The following FBN3 variants were observed in gnomAD, a reference collection of about 807,000 sequenced individuals.
FBN3 encodes the protein fibrillin 3.
Under a neutral mutation model 330.1 loss-of-function variants are expected in FBN3, and 234 were observed. That is an observed-to-expected ratio of 0.71 (90% confidence interval 0.64 to 0.79). FBN3 has a LOEUF of 0.79. Ranked by LOEUF, FBN3 falls within the 30% of genes least tolerant of loss-of-function variation. The pLI is 0.00. For synonymous variants in FBN3, 1,458 were observed against 1,517.3 expected (o/e 0.96, Z 0.91); for missense variants, 3,606 against 3,886.9 (o/e 0.93, Z 1.92).
At chr19:8,101,743 C>G (rs559642193) in intron 40 of FBN3, among the ~76,000 whole-genome samples, 1 of 151,698 alleles carries the variant, frequency 6.6e-6, no homozygotes, top group African/African-American at 2.4e-5. Flanking sequence ...CATTTACCGA[C>G]CCCCTCCCAC....
At chr19:8,122,893 G>A (rs193249313) in intron 24 of FBN3, among the ~76,000 whole-genome samples, 5,779 of 148,708 alleles carry the variant, frequency 0.039, 328 homozygotes, top group African/African-American at 0.13. Context: ...TCGATCTCCT[G>A]ACATCGTGAT....
At position 8,134,763 on chromosome 19, in the gene FBN3, A is replaced by G. The variant is rs111579167; in HGVS notation, c.1591+1198T>C. Among the ~76,000 whole-genome samples, 569 of 151,210 alleles carry G rather than the reference A, an allele frequency of 3.8e-3. 4 individuals carry two copies. Among genetic ancestry groups the G allele is most frequent in the African/African-American group, 0.013 (529 of 41,402 alleles). On this transcript the variant is annotated intron_variant, in intron 13 of 63. Transcript: ENST00000600128. Reference sequence around the variant, plus strand: ...AGCCTGGCCAACATGGTGAAACCCCATCTCTACTAAAAATACAAACGTTAG... The same window carrying G: ...AGCCTGGCCAACATGGTGAAACCCCGTCTCTACTAAAAATACAAACGTTAG...
At chr19:8,081,920 G>A (rs897993059) in intron 57 of FBN3, among the ~76,000 whole-genome samples, 1 of 152,014 alleles carries the variant, frequency 6.6e-6, no homozygotes, top group African/African-American at 2.4e-5. Context: ...GGTGGGGGTG[G>A]GAGAACGAAA....
At chr19:8,091,244 C>T in intron 48 of FBN3, among the ~76,000 whole-genome samples, 1 of 152,198 alleles carries the variant, frequency 6.6e-6, no homozygotes. Context: ...TAAATAAGCA[C>T]ACACCTAGCT....
At chr19:8,141,127 G>A (rs1479083373) in intron 8 of FBN3, among the ~76,000 whole-genome samples, 4 of 148,156 alleles carry the variant, frequency 2.7e-5, no homozygotes, top group African/African-American at 5.0e-5. Flanking sequence ...CCCAGGAGGC[G>A]GAGCTTGCAG....
intron 5 of FBN3, 139 bp from the exon 6 acceptor site, chr19:8,145,111 C>T (rs960064605): frequency 1.2e-5 from 9 of 741,428 alleles, no homozygotes; most frequent in South Asian, 3.5e-5. Flanking sequence ...GAGTGGCTAG[C>T]GCCTGTAATC....
At chr19:8,138,938 T>C (rs1382287946) in intron 8 of FBN3, among the ~76,000 whole-genome samples, 3 of 152,094 alleles carry the variant, frequency 2.0e-5, no homozygotes, top group Non-Finnish European at 4.4e-5. Context: ...TCACAGCTAC[T>C]TGGGAGGCTG....
intron 56 of FBN3, among the ~76,000 whole-genome samples, chr19:8,084,853 G>C (rs1028626990): frequency 6.6e-6 from 1 of 151,708 alleles, no homozygotes; most frequent in Non-Finnish European, 1.5e-5. Context: ...CTCCCAAAGT[G>C]CTGGGATTAC....
chr19:8,127,150 C>T (rs913570249), intron 18 of FBN3, among the ~76,000 whole-genome samples: 1 of 151,360 alleles, frequency 6.6e-6, no homozygotes, highest in African/African-American at 2.4e-5. Flanking sequence ...CTCCGTCTCC[C>T]GGGTTCAAGC....
Position 8,126,582 on chromosome 19 carries a change from G to C in FBN3, c.2440C>G (p.Leu814Val), listed in dbSNP as rs776946681. 6.2e-7 allele frequency: 1 copy of C among 1,610,424 alleles called. No homozygotes were observed. Among genetic ancestry groups the C allele is most frequent in the South Asian group, 1.1e-5 (1 of 91,088 alleles). The change falls in exon 20 of 64, where the codon CTG (leucine) becomes GTG (valine). Residue 814 changes from leucine (L) to valine (V), a missense_variant. Leu to Val is a conservative substitution (Grantham distance 32, BLOSUM62 1). Coordinates refer to ENST00000600128, the MANE Select transcript of FBN3 (RefSeq NM_032447.5). ...TCACAGCGGCTCTCCTGGATCTTCA[G>C]CCAGCAGGTGCCCTTGGTGCTGTCT... is the stretch of plus-strand genomic sequence containing the variant. ...CLDSTKGTCW[L>V]KIQESRCEVN...
intron 13 of FBN3, among the ~76,000 whole-genome samples, chr19:8,134,588 G>A (rs1479954236): frequency 6.6e-6 from 1 of 152,042 alleles, no homozygotes; most frequent in Non-Finnish European, 1.5e-5. Context: ...CTGTCTGCTG[G>A]GATATGAGTT....
rs747747945 is a variant in FBN3, at chr19:8,067,317, G to C, written c.8089-1057C>G. ...ATTTTTGTATTTTCAGTAGAGACAG[G>C]GTTTCACTATGTTGGCCAGGCTGGT... On this transcript the variant is annotated intron_variant, in intron 63 of 63. Coordinates refer to ENST00000600128, the MANE Select transcript of FBN3 (RefSeq NM_032447.5). Among the ~76,000 whole-genome samples, 16 of 152,006 alleles carry C rather than the reference G, an allele frequency of 1.1e-4. No individual in the cohort carries two copies. The East Asian group carries it at 1.2e-3, about 11-fold the overall frequency.
At position 8,111,984 on chromosome 19, in the gene FBN3, T is replaced by G; in HGVS notation, c.3954A>C (p.Glu1318Asp). 1 of 1,446,210 alleles carries G rather than the reference T, an allele frequency of 6.9e-7. No homozygotes were observed. The highest frequency in any genetic ancestry group is 9.4e-7 in the Non-Finnish European group (1 of 1,065,202). 89.6% of individuals were successfully genotyped at this position (1,446,210 alleles called of 1,614,324 possible). ...CLPGWVGDGF[E>D]CHDLDECVSQ... is the part of the protein sequence containing the mutation. ...CTGCCCCCAGGTACTCACCGTGACA[T>G]TCGAAGCCATCCCCCACCCAGCCTG... Residue 1318 changes from glutamate (E) to aspartate (D), a missense_variant, in exon 31 of 64, where the codon GAA becomes GAC. By Grantham distance (45) the Glu-to-Asp change is conservative. Coordinates refer to ENST00000600128, the MANE Select transcript of FBN3 (RefSeq NM_032447.5).
At chr19:8,141,686 G>A in intron 8 of FBN3, 31 bp downstream of exon 8, 2 of 1,598,542 alleles carry the variant, frequency 1.3e-6, no homozygotes, top group Non-Finnish European at 1.7e-6. Context: ...TCACAGAGGA[G>A]GTCTCAGGTT....
intron 37 of FBN3, among the ~76,000 whole-genome samples, chr19:8,107,400 G>A (rs1294815655): frequency 6.6e-6 from 1 of 151,586 alleles, no homozygotes; most frequent in African/African-American, 2.4e-5. Context: ...ATGGAGAATG[G>A]TTGGATGGGT....
At chr19:8,074,227 T>A (rs1318204920) in intron 61 of FBN3, among the ~76,000 whole-genome samples, 4 of 151,922 alleles carry the variant, frequency 2.6e-5, no homozygotes, top group Admixed American at 2.6e-4. Flanking sequence ...GAGGAAGAGT[T>A]GCCAGCAAAG....
chr19:8,082,426 T>TTCTC (rs959823798), intron 57 of FBN3, among the ~76,000 whole-genome samples: 9 of 150,616 alleles, frequency 6.0e-5, no homozygotes, highest in Non-Finnish European at 7.4e-5. Context: ...CTTTGTTTCT[T>TTCTC]TCTCTCTCTC....
At chr19:8,132,046 C>G (rs768984197) in intron 14 of FBN3, among the ~76,000 whole-genome samples, 1 of 152,114 alleles carries the variant, frequency 6.6e-6, no homozygotes, top group Non-Finnish European at 1.5e-5. Context: ...CTATCTTTCT[C>G]TCCACCTTTA....
intron 54 of FBN3, among the ~76,000 whole-genome samples, chr19:8,086,668 G>A (rs938172220): frequency 1.8e-4 from 27 of 146,924 alleles, no homozygotes; most frequent in Admixed American, 6.2e-4. Context: ...GGGTTTCGCC[G>A]TGTTGTCCAC....
Sources: gnomAD v4.1 joint callset for allele counts (sites outside exome capture counted in the v4.1 genomes callset) on GRCh38, gnomAD v4.1.1 for gene constraint, MANE v1.5 for transcripts, NCBI Gene and HGNC (gene_info 2026-07-23, HGNC 2026-07-21) for gene names.